ITIH2: variants seen among roughly 807,000 people sequenced by gnomAD.
ITIH2 encodes inter-alpha-trypsin inhibitor heavy chain 2.
A neutral mutation model predicts 104.4 loss-of-function variants in ITIH2; 103 were observed. That is an observed-to-expected ratio of 0.99 (90% CI 0.84 to 1.16). The LOEUF is 1.16. Ranked by LOEUF, ITIH2 falls within the 50% of genes most tolerant of loss-of-function variation. The probability of loss-of-function intolerance (pLI) is 0.00; values close to 1 mark genes in which losing one functional copy is unlikely to be tolerated. For missense variants in ITIH2, 1,108 were observed against 1,162.4 expected (o/e 0.95, Z 0.68); for synonymous variants, 436 against 435.4 (o/e 1.00, Z -0.02).
At chr10:7,746,347 C>T (rs1835177820) in intron 19 of ITIH2, among the ~76,000 whole-genome samples, 1 of 151,548 alleles carries the variant, frequency 6.6e-6, no homozygotes, top group Non-Finnish European at 1.5e-5. Flanking sequence ...TGCACTCCAG[C>T]CTGGGCAACA....
chr10:7,715,009 G>A (rs899402252), intron 5 of ITIH2, among the ~76,000 whole-genome samples: 8 of 152,220 alleles, frequency 5.3e-5, no homozygotes, highest in East Asian at 1.9e-4. Flanking sequence ...CCAAACCCCA[G>A]AGGATACAGA....
At chr10:7,744,362 T>C (rs867180949) in intron 18 of ITIH2, 82 bp downstream of exon 18, 3 of 1,166,182 alleles carry the variant, frequency 2.6e-6, no homozygotes, top group Middle Eastern at 4.0e-4. Flanking sequence ...GACATCAACA[T>C]TGAAAAAAAA....
In ITIH2 at chr10:7,743,206, A is replaced by T. The variant is rs1465188931; in HGVS notation, c.2156A>T (p.Asn719Ile). 1.9e-6 allele frequency: 3 copies of T among 1,596,192 alleles called. No individual in the cohort carries two copies. The highest frequency in any genetic ancestry group is 2.6e-6 in the Non-Finnish European group (3 of 1,172,826). Reference protein sequence around the residue: ...LPKSQKNICFNIDSEPGKILN... With the variant: ...LPKSQKNICFIIDSEPGKILN... ...AAAAGCCAAAAGAACATTTGTTTCAATATTGACTCAGAACCTGGAAAAATC... is the reference window on the plus strand; with the variant it reads ...AAAAGCCAAAAGAACATTTGTTTCATTATTGACTCAGAACCTGGAAAAATC... Residue 719 changes from asparagine to isoleucine, a missense_variant, in exon 17 of 21, where the codon AAT becomes ATT. By Grantham distance (149) the Asn-to-Ile change is moderately radical. Coordinates refer to ENST00000358415, the MANE Select transcript of ITIH2 (RefSeq NM_002216.3).
rs1488054727 is a variant in ITIH2 at position 7,744,792 on chromosome 10, G to A, written c.2410G>A (p.Val804Met). Residue 804 changes from valine (V) to methionine (M), a missense_variant and splice_region_variant, in exon 19 of 21, where the codon GTG (valine) becomes ATG (methionine). Coordinates refer to ENST00000358415, the MANE Select transcript of ITIH2 (RefSeq NM_002216.3). ...SDTAQVTNQR[V>M]QISVKKEKVV... ...ATTCCTCTTGGACTTTCACACCAGG[G>A]TGCAGATCTCAGTGAAGAAAGAAAA... The A allele has an allele frequency of 6.2e-7, 1 of 1,613,324 alleles. No individual in the cohort carries two copies. The highest frequency in any genetic ancestry group is 8.5e-7 in the Non-Finnish European group (1 of 1,179,540).
chr10:7,746,753 T>C, intron 20 of ITIH2, 49 bp downstream of exon 20: 1 of 1,155,564 alleles, frequency 8.7e-7, no homozygotes, highest in Non-Finnish European at 1.3e-6. Context: ...GTGTTAGAAT[T>C]AGACCCACAC....
intron 16 of ITIH2, among the ~76,000 whole-genome samples, chr10:7,742,074 C>T (rs1835129626): frequency 6.6e-6 from 1 of 152,210 alleles, no homozygotes. Context: ...TTCTATCTTA[C>T]ATTCGTGATT....
intron 5 of ITIH2, among the ~76,000 whole-genome samples, chr10:7,716,283 T>C (rs76129783): frequency 0.03 from 4,617 of 152,230 alleles, 94 homozygotes; most frequent in South Asian, 0.054. Flanking sequence ...GCCCAGTGTA[T>C]TTACTTATTT....
intron 6 of ITIH2, among the ~76,000 whole-genome samples, chr10:7,718,811 T>A (rs1421850526): frequency 6.6e-6 from 1 of 152,180 alleles, no homozygotes; most frequent in East Asian, 1.9e-4. Context: ...ATGTGGCCAA[T>A]GACAGGAGCT....
intron 6 of ITIH2, 100 bp downstream of exon 6, chr10:7,717,888 T>C: frequency 4.1e-6 from 5 of 1,217,156 alleles, no homozygotes; most frequent in Middle Eastern, 2.8e-4. Context: ...TGGTGTTGGA[T>C]GCCACTCAAC....
At chr10:7,724,759 C>T (rs1199694505) in intron 9 of ITIH2, among the ~76,000 whole-genome samples, 3 of 151,864 alleles carry the variant, frequency 2.0e-5, no homozygotes, top group Admixed American at 2.0e-4. Context: ...TTGCAGGATA[C>T]TTAGCAGCAT....
chr10:7,733,973 G>A (rs547030584), intron 14 of ITIH2, among the ~76,000 whole-genome samples: 103 of 151,756 alleles, frequency 6.8e-4, no homozygotes, highest in Non-Finnish European at 1.1e-3. Flanking sequence ...GTATTTACAG[G>A]TATATAGCAA....
chr10:7,708,850 G>C (rs1366166430), intron 3 of ITIH2, among the ~76,000 whole-genome samples, 172 bp from the exon 4 acceptor site: 1 of 152,154 alleles, frequency 6.6e-6, no homozygotes, highest in African/African-American at 2.4e-5. Context: ...CGGGTTCCAA[G>C]AAGTTAGGAG....
In ITIH2 at chr10:7,738,606, G is replaced by A. The variant is rs754970112; in HGVS notation, c.1958-15G>A. The stretch of plus-strand genomic sequence containing the variant: ...GTAAATCTAGAAACTAACAGATGCA[G>A]GTTTGTCTACGCAGGGGCCCTGTAT... On this transcript the variant is annotated splice_polypyrimidine_tract_variant and intron_variant, in intron 15 of 20. Transcript: ENST00000358415. 3 of 1,612,448 alleles carry A rather than the reference G, an allele frequency of 1.9e-6. No individual in the cohort carries two copies. The highest frequency in any genetic ancestry group is 1.3e-5 in the African/African-American group (1 of 74,688).
At chr10:7,715,178 T>C (rs1045904230) in intron 5 of ITIH2, among the ~76,000 whole-genome samples, 1 of 152,078 alleles carries the variant, frequency 6.6e-6, no homozygotes, top group Non-Finnish European at 1.5e-5. Flanking sequence ...ATCCCAGCAC[T>C]TTAGGAGGTC....
intron 5 of ITIH2, 187 bp downstream of exon 5, chr10:7,713,472 A>C: frequency 1.8e-6 from 1 of 569,412 alleles, no homozygotes; most frequent in Non-Finnish European, 3.1e-6. Flanking sequence ...TCTTCAACCA[A>C]TGGGTTTTGG....
intron 16 of ITIH2, among the ~76,000 whole-genome samples, chr10:7,742,875 T>G (rs1210704672): frequency 1.3e-5 from 2 of 152,242 alleles, no homozygotes; most frequent in Non-Finnish European, 1.5e-5. Context: ...TTTTTATCTC[T>G]AGTATCTAGT....
intron 15 of ITIH2, among the ~76,000 whole-genome samples, chr10:7,735,936 G>A (rs549382732): frequency 2.1e-3 from 325 of 152,184 alleles, no homozygotes; most frequent in African/African-American, 7.7e-3. Context: ...GCCTCCCAAA[G>A]TGCTGGGGTT....
intron 15 of ITIH2, among the ~76,000 whole-genome samples, chr10:7,735,302 A>G (rs533264404): frequency 3.7e-4 from 56 of 152,290 alleles, no homozygotes; most frequent in African/African-American, 1.3e-3. Context: ...TCCCAAAGGA[A>G]CTTTTGAAAA....
intron 4 of ITIH2, among the ~76,000 whole-genome samples, chr10:7,712,089 C>T (rs1588450470): frequency 6.6e-6 from 1 of 152,294 alleles, no homozygotes; most frequent in East Asian, 1.9e-4. Flanking sequence ...TATTCTTTTC[C>T]ACCCTTGCAG....
Sources: gnomAD v4.1 joint callset for allele counts (sites outside exome capture counted in the v4.1 genomes callset) on GRCh38, gnomAD v4.1.1 for gene constraint, MANE v1.5 for transcripts, NCBI Gene and HGNC (gene_info 2026-07-23, HGNC 2026-07-21) for gene names.